Variants in PCDHGB2 observed in about 807,000 individuals in gnomAD.
PCDHGB2 encodes the protein protocadherin gamma-B2.
A neutral mutation model predicts 59.3 loss-of-function variants in PCDHGB2; 55 were observed. The ratio of observed to expected loss-of-function variants is 0.93; its 90% CI spans 0.75 to 1.16. The LOEUF is 1.16. Among genes scored for constraint, PCDHGB2 ranks in the 50% most tolerant of loss-of-function variants. The pLI is 0.00. For synonymous variants in PCDHGB2, 516 were observed against 512.0 expected (o/e 1.01, Z -0.11); for missense variants, 1,228 against 1,198.5 (o/e 1.02, Z -0.36).
intron 1 of PCDHGB2, chr5:141,364,447 G>A: frequency 6.2e-7 from 1 of 1,613,954 alleles, no homozygotes; most frequent in Non-Finnish European, 8.5e-7. Context: ...CGGAGGAGCT[G>A]GACAAAGGCT....
rs2154591356 is a variant in PCDHGB2, at chr5:141,493,972, C to G, written c.2422-835C>G. Among the ~76,000 whole-genome samples, 6 of 152,276 alleles carry G rather than the reference C, an allele frequency of 3.9e-5. No homozygotes were observed. In the Middle Eastern group the frequency reaches 0.014, roughly 345 times the overall value. On this transcript the variant is annotated intron_variant, in intron 1 of 3. Coordinates refer to ENST00000522605, the MANE Select transcript of PCDHGB2 (RefSeq NM_018923.3). This position sits in a 1 kb window ranked among gnomAD's most constrained non-coding sequence, Gnocchi z 4.3. ...CAGGAATGAAGTGGCTGGCCAGAGC[C>G]CCACACCTTCAGCTAGGTGGGAGAT...
At chr5:141,390,150 C>T (rs768850867) in intron 1 of PCDHGB2, 1 of 1,613,916 alleles carries the variant, frequency 6.2e-7, no homozygotes, top group African/African-American at 1.3e-5. Flanking sequence ...ATGTGTTGCA[C>T]ATACAGGAAA....
chr5:141,415,853 G>A, intron 1 of PCDHGB2: 1 of 1,186,350 alleles, frequency 8.4e-7, no homozygotes, highest in Non-Finnish European at 1.1e-6. Flanking sequence ...GCAGAACCTT[G>A]TAGTTTATAG....
At chr5:141,494,355 G>T (rs910437011) in intron 1 of PCDHGB2, among the ~76,000 whole-genome samples, 4 of 152,234 alleles carry the variant, frequency 2.6e-5, no homozygotes, top group African/African-American at 9.6e-5. Flanking sequence ...CCATCTTGCT[G>T]CAGAGGATGC....
chr5:141,383,417 G>T lies in PCDHGB2; in HGVS notation c.2421+20861G>T. The T allele has an allele frequency of 1.9e-6, 3 of 1,614,014 alleles. No homozygotes were observed. In the South Asian group the frequency reaches 3.3e-5, roughly 18 times the overall value. On this transcript the variant is annotated intron_variant, in intron 1 of 3. Transcript: ENST00000522605. ...AACTCCCTCCAGAGTTACCAGCTCA[G>T]CCCCAATCGCCACTTCTCCCTGGCT...
chr5:141,369,695 A>C (rs1418423845), intron 1 of PCDHGB2, among the ~76,000 whole-genome samples: 3 of 152,228 alleles, frequency 2.0e-5, no homozygotes, highest in African/African-American at 4.8e-5. Flanking sequence ...ATAAAACTAA[A>C]AGCTATGACA....
intron 1 of PCDHGB2, among the ~76,000 whole-genome samples, chr5:141,457,827 C>T (rs1300495115): frequency 2.0e-5 from 3 of 152,204 alleles, no homozygotes; most frequent in Admixed American, 6.5e-5. Context: ...AAACTCAGAG[C>T]TTCCAGACCT....
Position 141,476,129 on chromosome 5 carries a change from G to T in PCDHGB2, c.2422-18678G>T, listed in dbSNP as rs2099385585. 6.2e-7 allele frequency: 1 copy of T among 1,606,848 alleles called. No homozygotes were observed. The highest frequency in any genetic ancestry group is 1.3e-5 in the African/African-American group (1 of 75,000). On this transcript the variant is annotated intron_variant, in intron 1 of 3. Transcript: ENST00000522605. The surrounding 1 kb of genome is among the most constrained non-coding windows in gnomAD (Gnocchi z 7.6). ...GCTTTTGAGTGAGATGGTCCCAGAG[G>T]CCTGGAGGAGCGGACTGGTAAGCAC...
chr5:141,391,749 G>A (rs147297013), intron 1 of PCDHGB2: 1 of 152,154 alleles, frequency 6.6e-6, no homozygotes, highest in African/African-American at 2.4e-5. Flanking sequence ...CTTATCCTTT[G>A]GCTTCTTAGT....
At chr5:141,390,867 C>CATGT in intron 1 of PCDHGB2, 1 of 151,040 alleles carries the variant, frequency 6.6e-6, no homozygotes, top group East Asian at 1.9e-4. Flanking sequence ...GCTGTGTGTG[C>CATGT]GTGTGTGTGT....
chr5:141,507,631 C>T (rs1435446169), intron 3 of PCDHGB2, among the ~76,000 whole-genome samples: 4 of 152,236 alleles, frequency 2.6e-5, no homozygotes, highest in East Asian at 3.8e-4. Context: ...TGTGGCCTTG[C>T]GCCCTGAGGC....
intron 1 of PCDHGB2, chr5:141,373,848 C>T (rs955090382): frequency 2.0e-5 from 9 of 446,824 alleles, no homozygotes; most frequent in Non-Finnish European, 3.5e-5. Flanking sequence ...GGACTCTAAG[C>T]GTCGCTGTTG....
chr5:141,430,919 C>T, intron 1 of PCDHGB2: 1 of 1,607,610 alleles, frequency 6.2e-7, no homozygotes, highest in Non-Finnish European at 8.5e-7. Context: ...GGACCTGGGG[C>T]TGGAGCCCCG....
chr5:141,419,926 G>A lies in PCDHGB2; in HGVS notation c.2421+57370G>A. 3 of 1,614,096 alleles carry A rather than the reference G, an allele frequency of 1.9e-6. No homozygotes were observed. In the South Asian group the frequency reaches 3.3e-5, roughly 18 times the overall value. On this transcript the variant is annotated intron_variant, in intron 1 of 3. Transcript: ENST00000522605. ...CCTCTGACTCCCAGGCTGAGATGCA[G>A]TTTTACCTGGTGGTGGCCTTGGCCT... is the stretch of plus-strand genomic sequence containing the variant.
chr5:141,419,435 C>T, intron 1 of PCDHGB2: 1 of 1,613,226 alleles, frequency 6.2e-7, no homozygotes, highest in Non-Finnish European at 8.5e-7. Context: ...CGAGCAGCTG[C>T]GCACCTTCGA....
rs773688197 is a variant in PCDHGB2 at position 141,432,412 on chromosome 5, C to A, written c.2422-62395C>A. 2.5e-6 allele frequency: 4 copies of A among 1,614,128 alleles called. No homozygotes were observed. The Admixed American group carries it at 6.7e-5, about 27-fold the overall frequency. On this transcript the variant is annotated intron_variant, in intron 1 of 3. Transcript: ENST00000522605. The surrounding 1 kb of genome is among the most constrained non-coding windows in gnomAD (Gnocchi z 6.0). ...GCAGCAACGTGTCGTTGAGCCTGTT[C>A]GTGCTGGACCAGAACGACAATGCGC...
chr5:141,475,935 C>CCCGT, intron 1 of PCDHGB2: 1 of 669,050 alleles, frequency 1.5e-6, no homozygotes, highest in Middle Eastern at 4.2e-4. Flanking sequence ...CGGGCCCCTG[C>CCCGT]CCGTCCCCTT....
At chr5:141,378,585 G>A (rs758641960) in intron 1 of PCDHGB2, 1 of 152,188 alleles carries the variant, frequency 6.6e-6, no homozygotes, top group South Asian at 2.1e-4. Flanking sequence ...ATGCTCGGTA[G>A]TGTCTGCTTA....
At chr5:141,368,749 A>T (rs1765836759) in intron 1 of PCDHGB2, among the ~76,000 whole-genome samples, 1 of 152,194 alleles carries the variant, frequency 6.6e-6, no homozygotes. Flanking sequence ...ATACTTTTAA[A>T]TATCTGAATC....
Sources: allele counts gnomAD v4.1 joint callset (sites outside exome capture counted in the v4.1 genomes callset), GRCh38; gene constraint gnomAD v4.1.1; non-coding constraint Gnocchi (gnomAD v3.1); transcripts MANE v1.5; gene names NCBI Gene and HGNC (gene_info 2026-07-23, HGNC 2026-07-21).